The following ALDH1L2 variants were observed in gnomAD, a reference collection of about 807,000 sequenced individuals.
ALDH1L2 encodes aldehyde dehydrogenase 1 family member L2.
In ALDH1L2, 91 loss-of-function variants were observed where a neutral mutation model predicts 111.0. The observed-to-expected ratio is 0.82, with a 90% CI of 0.69 to 0.98. The LOEUF (loss-of-function observed/expected upper bound fraction) is 0.98. Among genes scored for constraint, ALDH1L2 ranks in the 50% least tolerant of loss-of-function variants. The pLI, the probability that ALDH1L2 is intolerant of heterozygous loss-of-function variation, is 0.00. For synonymous variants in ALDH1L2, 374 were observed against 392.6 expected (o/e 0.95, Z 0.56); for missense variants, 995 against 1,126.8 (o/e 0.88, Z 1.67).
In ALDH1L2 at chr12:105,031,799, C is replaced by A. The variant is rs1356986739; in HGVS notation, c.2380G>T (p.Val794Leu). ...ETGVKEGATL[V>L]YGGRQVQRPG... The stretch of plus-strand genomic sequence containing the variant: ...CTTTGGACTTGTCTTCCCCCGTACA[C>A]CAAAGTGGCCCCTTCTTTCACTCCA... Residue 794 changes from valine to leucine, a missense_variant, in exon 20 of 23, where the codon GTG (valine) becomes TTG (leucine). Val to Leu is a conservative substitution (Grantham distance 32). Transcript: ENST00000258494. 1 of 1,614,090 alleles carries A rather than the reference C, an allele frequency of 6.2e-7. No individual in the cohort carries two copies. Among genetic ancestry groups the A allele is most frequent in the East Asian group, 2.2e-5 (1 of 44,896 alleles).
rs767510661 is a variant in ALDH1L2, at chr12:105,074,025, C to T, written c.49-20G>A. 9.9e-6 allele frequency: 16 copies of T among 1,613,630 alleles called. No individual in the cohort carries two copies. Among genetic ancestry groups the T allele is most frequent in the Admixed American group, 3.3e-5 (2 of 59,980 alleles). On this transcript the variant is annotated intron_variant, in intron 1 of 22. Coordinates refer to ENST00000258494, the MANE Select transcript of ALDH1L2 (RefSeq NM_001034173.4). ...ATAAACCTGTGAAACAATTCAATGA[C>T]GAAGACATAAGCATGGATAGAAGAC... is the stretch of plus-strand genomic sequence containing the variant.
At chr12:105,026,276 A>C (rs1874402102) in intron 22 of ALDH1L2, among the ~76,000 whole-genome samples, 2 of 152,216 alleles carry the variant, frequency 1.3e-5, no homozygotes, top group Admixed American at 6.5e-5. Flanking sequence ...ATTTCAGCTA[A>C]AGTATATTGT....
At position 105,073,877 on chromosome 12, in the gene ALDH1L2, T is replaced by C. The variant is rs775912153; in HGVS notation, c.177A>G (p.Gly59=). The stretch of plus-strand genomic sequence containing the variant: ...TGCACTCACCCAGAGGGTCAGCTTT[T>C]CCATCCTTGTCTGGAACTGTGAACA... ...VGVFTVPDKD[G]KADPLALAAE... The change falls in exon 2 of 23, where the codon GGA becomes GGG. Residue 59 remains glycine (G), a synonymous_variant. Transcript: ENST00000258494. 2.5e-6 allele frequency: 4 copies of C among 1,614,106 alleles called. No homozygotes were observed. The highest frequency in any genetic ancestry group is 2.2e-5 in the South Asian group (2 of 91,078).
intron 17 of ALDH1L2, 70 bp downstream of exon 17, chr12:105,039,643 C>G: frequency 2.3e-6 from 3 of 1,294,580 alleles, no homozygotes; most frequent in Non-Finnish European, 3.4e-6. Flanking sequence ...TCAAAAAGTA[C>G]CCTGTTTAAA....
rs1874295563 is a variant in ALDH1L2, at chr12:105,024,145, A to G, written c.*279T>C. The G allele has an allele frequency of 1.9e-6, 1 of 513,442 alleles. No homozygotes were observed. The highest frequency in any genetic ancestry group is 3.5e-6 in the Non-Finnish European group (1 of 286,426). 31.8% of individuals were successfully genotyped at this position (513,442 alleles called of 1,614,324 possible). On this transcript the variant is annotated 3_prime_UTR_variant, in exon 23 of 23. Transcript: ENST00000258494. Reference sequence around the variant, plus strand: ...CATCTTCAAGATGGGAACCATGAATAGATTTGTCTAGGTAGGGGAGAAACA... The same window carrying G: ...CATCTTCAAGATGGGAACCATGAATGGATTTGTCTAGGTAGGGGAGAAACA...
intron 6 of ALDH1L2, among the ~76,000 whole-genome samples, chr12:105,064,102 C>T (rs1425926813): frequency 2.2e-5 from 3 of 133,904 alleles, no homozygotes; most frequent in Non-Finnish European, 3.1e-5. Flanking sequence ...AGGCACATGC[C>T]ACCACACCGA....
chr12:105,083,780 T>C (rs1172587722), intron 1 of ALDH1L2, among the ~76,000 whole-genome samples: 1 of 152,174 alleles, frequency 6.6e-6, no homozygotes, highest in African/African-American at 2.4e-5. Flanking sequence ...GTTCTTGTGC[T>C]ACAGTAGAAT....
rs2136060656 is a variant in ALDH1L2, at chr12:105,039,801, T to C, written c.1957A>G (p.Ile653Val). 1 of 1,613,954 alleles carries C rather than the reference T, an allele frequency of 6.2e-7. No homozygotes were observed. Among genetic ancestry groups the C allele is most frequent in the Middle Eastern group, 1.6e-4 (1 of 6,062 alleles). ...VINIIPGSGG[I>V]AGQRLSEHPD... ...TGTTCAGACAGACGTTGTCCTGCTATGCCACCTGTAGAATTAGGGAATAAA... is the reference window on the plus strand; with the variant it reads ...TGTTCAGACAGACGTTGTCCTGCTACGCCACCTGTAGAATTAGGGAATAAA... Residue 653 changes from isoleucine to valine, a missense_variant, in exon 17 of 23, where the codon ATA becomes GTA. Coordinates refer to ENST00000258494, the MANE Select transcript of ALDH1L2 (RefSeq NM_001034173.4).
intron 10 of ALDH1L2, among the ~76,000 whole-genome samples, chr12:105,055,380 A>G (rs1876549380): frequency 6.6e-6 from 1 of 152,232 alleles, no homozygotes; most frequent in Admixed American, 6.5e-5. Context: ...AGAATTGTCA[A>G]GGAAGTCATT....
intron 4 of ALDH1L2, among the ~76,000 whole-genome samples, chr12:105,067,524 G>A (rs535992865): frequency 6.6e-6 from 1 of 152,172 alleles, no homozygotes; most frequent in Non-Finnish European, 1.5e-5. Context: ...TAGTTTAGGA[G>A]ACCTGGAATA....
At chr12:105,083,483 C>A (rs1261201661) in intron 1 of ALDH1L2, among the ~76,000 whole-genome samples, 2 of 152,196 alleles carry the variant, frequency 1.3e-5, no homozygotes, top group African/African-American at 4.8e-5. Context: ...CTACTCAAGA[C>A]TTCTCTCTGC....
chr12:105,034,265 C>G (rs754686066), intron 19 of ALDH1L2, 35 bp downstream of exon 19: 57 of 1,600,768 alleles, frequency 3.6e-5, no homozygotes, highest in Non-Finnish European at 4.9e-5. Flanking sequence ...AGCAAAATCT[C>G]TAAACAACTC....
At chr12:105,070,538 CA>C (rs761063435) in intron 3 of ALDH1L2, 31 bp downstream of exon 3, 29,944 of 988,486 alleles carry the variant, frequency 0.03, 2 homozygotes, top group South Asian at 0.053. Context: ...GACCCCATCT[CA>C]AAAAAAAAAA....
intron 15 of ALDH1L2, among the ~76,000 whole-genome samples, chr12:105,042,906 C>T (rs750138469): frequency 1.8e-4 from 28 of 152,140 alleles, no homozygotes; most frequent in Non-Finnish European, 3.4e-4. Flanking sequence ...TCTTAAAAAC[C>T]AACGTCCATT....
chr12:105,059,433 G>A (rs1415411419), intron 9 of ALDH1L2, among the ~76,000 whole-genome samples: 1 of 151,994 alleles, frequency 6.6e-6, no homozygotes, highest in Admixed American at 6.6e-5. Flanking sequence ...TAGTGCAAGT[G>A]AGCTGTGATC....
intron 2 of ALDH1L2, among the ~76,000 whole-genome samples, chr12:105,073,054 A>C (rs1201939355): frequency 6.6e-6 from 1 of 152,236 alleles, no homozygotes; most frequent in South Asian, 2.1e-4. Flanking sequence ...GCTGCCCCAG[A>C]GCTATCTTTG....
At chr12:105,070,845 A>G (rs1185948981) in intron 2 of ALDH1L2, 41 bp from the exon 3 acceptor site, 2 of 1,462,046 alleles carry the variant, frequency 1.4e-6, no homozygotes, top group Non-Finnish European at 9.4e-7. Context: ...GAAGTTAGCC[A>G]TAATTTTACA....
At chr12:105,065,405 A>C in intron 5 of ALDH1L2, 49 bp from the exon 6 acceptor site, 60 of 1,493,530 alleles carry the variant, frequency 4.0e-5, no homozygotes, top group Middle Eastern at 1.7e-4. Flanking sequence ...TGTGAACCTC[A>C]AAGGCAATAA....
intron 11 of ALDH1L2, 124 bp from the exon 12 acceptor site, chr12:105,052,341 G>T (rs1307810633): frequency 8.8e-6 from 9 of 1,018,062 alleles, no homozygotes; most frequent in Non-Finnish European, 1.2e-5. Flanking sequence ...GATAAGAAAT[G>T]AGTATATCTA....
Sources: allele counts gnomAD v4.1 joint callset (sites outside exome capture counted in the v4.1 genomes callset), GRCh38; gene constraint gnomAD v4.1.1; transcripts MANE v1.5; gene names NCBI Gene and HGNC (gene_info 2026-07-23, HGNC 2026-07-21).